DLC1: variants seen among roughly 807,000 people sequenced by gnomAD.
The protein encoded by DLC1 is DLC1 Rho GTPase activating protein.
A neutral mutation model predicts 140.3 loss-of-function variants in DLC1; 54 were observed. That is an observed-to-expected ratio of 0.38 (90% CI 0.31 to 0.48). DLC1 has a LOEUF of 0.48. Ranked by LOEUF, DLC1 falls within the 20% of genes least tolerant of loss-of-function variation. The pLI, the probability that DLC1 is intolerant of heterozygous loss-of-function variation, is 0.96. For synonymous variants in DLC1, 986 were observed against 728.1 expected (o/e 1.35, Z -5.70); for missense variants, 2,536 against 1,907.0 (o/e 1.33, Z -6.14).
chr8:13,235,177 A>G lies in DLC1; in HGVS notation c.1348+70092T>C, dbSNP rs531226737. Among the ~76,000 whole-genome samples the G allele has an allele frequency of 5.3e-5, 8 of 152,194 alleles. No homozygotes were observed. The East Asian group carries it at 1.3e-3, about 26-fold the overall frequency. On this transcript the variant is annotated intron_variant, in intron 5 of 17. Transcript: ENST00000276297. ...ATTTAGCTGTGAAAAGCTGGGAGGC[A>G]ATTGAAAGAACAGGTATGATTATCT... is the stretch of plus-strand genomic sequence containing the variant.
intron 5 of DLC1, among the ~76,000 whole-genome samples, chr8:13,167,279 T>C (rs28522749): frequency 0.43 from 65,747 of 151,962 alleles, 14,782 homozygotes; most frequent in East Asian, 0.83. Flanking sequence ...TAACATTTCC[T>C]ATGTTCTTAA....
At position 13,238,532 on chromosome 8, in the gene DLC1, A is replaced by G. The variant is rs566909605; in HGVS notation, c.1348+66737T>C. ...TGTCTCAAAAAAAGAAAGAAAGAAA[A>G]AAAAAAGTGCTCTCTCAGGAGCCTT... On this transcript the variant is annotated intron_variant, in intron 5 of 17. Coordinates refer to ENST00000276297, the MANE Select transcript of DLC1 (RefSeq NM_182643.3). Among the ~76,000 whole-genome samples the G allele has an allele frequency of 1.8e-4, 27 of 151,866 alleles. No individual in the cohort carries two copies. In the East Asian group the frequency reaches 4.3e-3, roughly 24 times the overall value.
chr8:13,565,419 T>TA (rs1434728234), intron 1 of DLC1, among the ~76,000 whole-genome samples: 4 of 152,186 alleles, frequency 2.6e-5, no homozygotes, highest in Non-Finnish European at 4.4e-5. Flanking sequence ...AGATTTGAAA[T>TA]AATAAATAAG....
At chr8:13,121,589 C>T (rs966830878) in intron 5 of DLC1, among the ~76,000 whole-genome samples, 5 of 152,124 alleles carry the variant, frequency 3.3e-5, no homozygotes, top group African/African-American at 1.2e-4. Context: ...TACTCTGTCA[C>T]CTAGGCTGGA....
At chr8:13,216,927 A>G (rs1402348590) in intron 5 of DLC1, among the ~76,000 whole-genome samples, 1 of 152,154 alleles carries the variant, frequency 6.6e-6, no homozygotes, top group Non-Finnish European at 1.5e-5. Context: ...GATGTGGGAC[A>G]GGTGTGCCTC....
intron 2 of DLC1, among the ~76,000 whole-genome samples, chr8:13,471,463 G>A (rs540530033): frequency 2.8e-5 from 4 of 144,632 alleles, no homozygotes; most frequent in African/African-American, 1.0e-4. Context: ...GAGTGAGGAA[G>A]GAAGGAATGA....
intron 5 of DLC1, among the ~76,000 whole-genome samples, chr8:13,242,281 A>G (rs1378474436): frequency 6.6e-6 from 1 of 152,088 alleles, no homozygotes; most frequent in African/African-American, 2.4e-5. Flanking sequence ...GGAGGAGTCT[A>G]TATTTATTGT....
At chr8:13,119,912 T>C (rs1820892925) in intron 5 of DLC1, among the ~76,000 whole-genome samples, 2 of 148,052 alleles carry the variant, frequency 1.4e-5, no homozygotes, top group African/African-American at 5.0e-5. Flanking sequence ...TGAGACTCTA[T>C]CTAAAAAAAA....
At chr8:13,111,284 G>A (rs1820088824) in intron 6 of DLC1, among the ~76,000 whole-genome samples, 2 of 152,286 alleles carry the variant, frequency 1.3e-5, no homozygotes, top group South Asian at 4.1e-4. Flanking sequence ...ATGAAAAGTG[G>A]TAGGAAATGG....
chr8:13,138,143 C>T (rs959294395), intron 5 of DLC1, among the ~76,000 whole-genome samples: 3 of 152,118 alleles, frequency 2.0e-5, no homozygotes, highest in Non-Finnish European at 4.4e-5. Context: ...TGTTAAAAAA[C>T]ACTAAAGCAC....
chr8:13,437,595 A>C (rs1839182153), intron 2 of DLC1, among the ~76,000 whole-genome samples: 2 of 152,148 alleles, frequency 1.3e-5, no homozygotes, highest in Non-Finnish European at 2.9e-5. Context: ...GCCTGAGGCT[A>C]TGAAGGTCGG....
chr8:13,491,086 A>C (rs1801216487), intron 2 of DLC1, among the ~76,000 whole-genome samples: 2 of 147,816 alleles, frequency 1.4e-5, no homozygotes, highest in African/African-American at 4.9e-5. Context: ...ATATATACAT[A>C]TTCAAATTTA....
At chr8:13,517,142 T>A (rs528711640), upstream of DLC1, among the ~76,000 whole-genome samples, 1 of 152,332 alleles carries the variant, frequency 6.6e-6, no homozygotes, top group Non-Finnish European at 1.5e-5. Flanking sequence ...AAGAAAGGAA[T>A]GAGAACTGAT....
chr8:13,530,354 T>G (rs1803055080), intron 1 of DLC1, among the ~76,000 whole-genome samples: 1 of 152,302 alleles, frequency 6.6e-6, no homozygotes, highest in African/African-American at 2.4e-5. Flanking sequence ...ACTGCTGAGT[T>G]TTTAAAAATT....
At chr8:13,119,189 C>A (rs1448462249) in intron 5 of DLC1, among the ~76,000 whole-genome samples, 1 of 147,032 alleles carries the variant, frequency 6.8e-6, no homozygotes, top group Non-Finnish European at 1.5e-5. Flanking sequence ...GACCACACTA[C>A]TGCATTCCAA....
intron 1 of DLC1, among the ~76,000 whole-genome samples, chr8:13,552,609 A>G (rs1450585491): frequency 1.3e-5 from 2 of 151,578 alleles, no homozygotes; most frequent in African/African-American, 2.4e-5. Context: ...CCACTGTTCT[A>G]TACTATGTAC....
intron 1 of DLC1, among the ~76,000 whole-genome samples, chr8:13,543,945 A>G (rs1803569213): frequency 6.6e-6 from 1 of 152,044 alleles, no homozygotes; most frequent in Non-Finnish European, 1.5e-5. Flanking sequence ...TCACCATTAC[A>G]CAGTTCATCC....
chr8:13,339,269 A>G (rs770480924), intron 4 of DLC1, among the ~76,000 whole-genome samples: 307 of 152,346 alleles, frequency 2.0e-3, no homozygotes, highest in Non-Finnish European at 2.9e-3. Flanking sequence ...CAACTCACGG[A>G]GGACAAGGCA....
At chr8:13,393,477 C>T (rs759819336) in intron 4 of DLC1, 76 bp downstream of exon 4, 209 of 1,441,996 alleles carry the variant, frequency 1.4e-4, no homozygotes, top group Non-Finnish European at 1.8e-4. Flanking sequence ...TCTTCTATAT[C>T]GAATGAATAT....
Sources: allele counts gnomAD v4.1 joint callset (sites outside exome capture counted in the v4.1 genomes callset), GRCh38; gene constraint gnomAD v4.1.1; transcripts MANE v1.5; gene names NCBI Gene and HGNC (gene_info 2026-07-23, HGNC 2026-07-21).